TRAK2: variants seen among roughly 807,000 people sequenced by gnomAD.
TRAK2 encodes trafficking kinesin-binding protein 2.
Under a neutral mutation model 104.6 loss-of-function variants are expected in TRAK2, and 81 were observed. The ratio of observed to expected loss-of-function variants is 0.77; its 90% CI spans 0.65 to 0.93. The LOEUF (loss-of-function observed/expected upper bound fraction) is 0.93, where lower values mean the gene tolerates loss of function less well. TRAK2 is among the 40% of genes least tolerant of loss of function. The probability of loss-of-function intolerance (pLI) is 0.00; values close to 1 mark genes in which losing one functional copy is unlikely to be tolerated. For missense variants in TRAK2, 1,002 were observed against 1,089.0 expected, an observed-to-expected ratio of 0.92 and a Z score of 1.12; for synonymous variants, 406 against 394.4, an observed-to-expected ratio of 1.03 and a Z score of -0.35.
At chr2:201,408,880 T>A (rs575478357) in intron 2 of TRAK2, among the ~76,000 whole-genome samples, 57 of 152,348 alleles carry the variant, frequency 3.7e-4, no homozygotes, top group African/African-American at 7.2e-4. Flanking sequence ...TAAATTTTTT[T>A]AAAAATTGCA....
chr2:201,417,713 T>C (rs1951706487), intron 2 of TRAK2, among the ~76,000 whole-genome samples: 1 of 152,142 alleles, frequency 6.6e-6, no homozygotes, highest in South Asian at 2.1e-4. Flanking sequence ...ACTGAGATCA[T>C]GTCTCATTCA....
rs1196416901 is a variant in TRAK2 at position 201,407,497 on chromosome 2, A to C, written c.192T>G (p.Tyr64Ter). The C allele has an allele frequency of 6.2e-7, 1 of 1,614,048 alleles. No individual in the cohort carries two copies. Among genetic ancestry groups the C allele is most frequent in the East Asian group, 2.2e-5 (1 of 44,892 alleles). ...GAGACTGAGTCCAGTCTTGATTTTCATATAGAAAGAGAGTGTCTACTTTTA... is the reference window on the plus strand; with the variant it reads ...GAGACTGAGTCCAGTCTTGATTTTCCTATAGAAAGAGAGTGTCTACTTTTA... ...YRLKVDTLFLYENQDWTQSPH... is the reference protein window; with the variant it reads ...YRLKVDTLFL The change falls in exon 3 of 16, where the codon TAT (tyrosine) becomes TAG (stop). Residue 64 changes from tyrosine (Y) to a stop codon, truncating the protein, a stop_gained. Coordinates refer to ENST00000332624, the MANE Select transcript of TRAK2 (RefSeq NM_015049.3). LOFTEE classifies it high-confidence loss of function.
intron 2 of TRAK2, among the ~76,000 whole-genome samples, chr2:201,414,880 G>A (rs1437808312): frequency 2.3e-4 from 11 of 46,810 alleles, no homozygotes; most frequent in Non-Finnish European, 8.2e-4. Context: ...CATTACAAGA[G>A]ATACTAGTCC....
At position 201,379,920 on chromosome 2, in the gene TRAK2, G is replaced by A. The variant is rs1409722577; in HGVS notation, c.*623C>T. On this transcript the variant is annotated 3_prime_UTR_variant, in exon 16 of 16. Coordinates refer to ENST00000332624, the MANE Select transcript of TRAK2 (RefSeq NM_015049.3). The stretch of plus-strand genomic sequence containing the variant: ...GTATTTGGGCTCCCAGGGGCTCAAA[G>A]GCCTGAAAACAGAAAGGAAAATAGG... 2 of 151,804 alleles carry A rather than the reference G, an allele frequency of 1.3e-5. No individual in the cohort carries two copies. The highest frequency in any genetic ancestry group is 2.9e-5 in the Non-Finnish European group (2 of 68,006). 9.4% of individuals were successfully genotyped at this position (151,804 alleles called of 1,614,324 possible). A position where few individuals can be genotyped will look rare whatever the true frequency, so the allele number is the denominator to read the frequency against.
At chr2:201,418,907 C>T (rs1419239698) in intron 2 of TRAK2, among the ~76,000 whole-genome samples, 1 of 152,108 alleles carries the variant, frequency 6.6e-6, no homozygotes, top group East Asian at 1.9e-4. Context: ...CTTCAAAAGA[C>T]ACCAGTAAGA....
intron 1 of TRAK2, among the ~76,000 whole-genome samples, chr2:201,425,962 AT>A (rs1410514066): frequency 1.3e-5 from 2 of 152,144 alleles, no homozygotes; most frequent in Non-Finnish European, 2.9e-5. Context: ...TTGATTATAC[AT>A]TTACCATTTA....
chr2:201,388,139 T>G, intron 12 of TRAK2, 138 bp from the exon 13 acceptor site: 1 of 905,632 alleles, frequency 1.1e-6, no homozygotes, highest in Non-Finnish European at 1.8e-6. Flanking sequence ...AATATAGAAG[T>G]AATAACAACA....
rs1352282049 is a variant in TRAK2 at position 201,377,558 on chromosome 2, G to C, written c.*2985C>G. 6.6e-6 allele frequency: 1 copy of C among 152,536 alleles called. No individual in the cohort carries two copies. Among genetic ancestry groups the C allele is most frequent in the Non-Finnish European group, 1.5e-5 (1 of 68,014 alleles). The allele number at this position is 152,536 out of a possible 1,614,324, so 9.4% of individuals were successfully genotyped here. On this transcript the variant is annotated 3_prime_UTR_variant, in exon 16 of 16. Transcript: ENST00000332624. ...CTAAAATGGTCAGAAAAGATAACAA[G>C]CTTTGAGTACTGTGTAAAATTATAC...
intron 2 of TRAK2, among the ~76,000 whole-genome samples, chr2:201,417,234 G>A (rs1576524915): frequency 4.0e-5 from 1 of 25,122 alleles, no homozygotes; most frequent in African/African-American, 1.6e-4. Context: ...ATAAAGCGAA[G>A]ACATTGCAAA....
Position 201,386,337 on chromosome 2 carries a change from T to A in TRAK2, c.1844A>T (p.Glu615Val). The A allele has an allele frequency of 1.2e-6, 2 of 1,614,116 alleles. No homozygotes were observed. The highest frequency in any genetic ancestry group is 1.7e-6 in the Non-Finnish European group (2 of 1,180,008). Residue 615 changes from glutamate (E) to valine (V), a missense_variant, in exon 14 of 16, where the codon GAG becomes GTG. By Grantham distance (121) the Glu-to-Val change is moderately radical. Coordinates refer to ENST00000332624, the MANE Select transcript of TRAK2 (RefSeq NM_015049.3). The part of the protein sequence containing the change: ...YHISDLEEDE[E>V]EGITFQVQQP... ...CTGAACCTGAAAAGTAATACCCTCC[T>A]CTTCATCCTCTTCTAAATCTGAGAT...
At chr2:201,406,380 C>G (rs1052246248) in intron 3 of TRAK2, among the ~76,000 whole-genome samples, 7 of 152,112 alleles carry the variant, frequency 4.6e-5, no homozygotes, top group African/African-American at 1.7e-4. Context: ...CATTAAAACA[C>G]CACAACACTC....
intron 3 of TRAK2, among the ~76,000 whole-genome samples, chr2:201,404,136 G>C (rs1951572966): frequency 2.6e-5 from 4 of 152,190 alleles, no homozygotes; most frequent in Admixed American, 2.6e-4. Flanking sequence ...TTAAAGTCTT[G>C]GCATTTAGAC....
Position 201,392,993 on chromosome 2 carries a change from G to A in TRAK2, c.1029C>T (p.Ser343=). 6.2e-7 allele frequency: 1 copy of A among 1,613,634 alleles called. No individual in the cohort carries two copies. The change falls in exon 10 of 16, where the codon TCC becomes TCT. Residue 343 remains serine, a synonymous_variant. Transcript: ENST00000332624. ...NMECLGMLHE[S]QEEIKELRSR... ...TACGAAGTTCCTTTATTTCTTCTTG[G>A]GATTCATGTAACATTCCTAGACACT... is the stretch of plus-strand genomic sequence containing the variant.
chr2:201,407,521 T>C lies in TRAK2; in HGVS notation c.168A>G (p.Leu56=). The C allele has an allele frequency of 6.2e-7, 1 of 1,614,166 alleles. No individual in the cohort carries two copies. The highest frequency in any genetic ancestry group is 8.5e-7 in the Non-Finnish European group (1 of 1,180,010). Residue 56 remains leucine, a synonymous_variant, in exon 3 of 16, where the codon CTA becomes CTG. Coordinates refer to ENST00000332624, the MANE Select transcript of TRAK2 (RefSeq NM_015049.3). ...LLEEQLPQYR[L]KVDTLFLYEN... ...CATATAGAAAGAGAGTGTCTACTTT[T>C]AGCCTATACTGTGGTAGTTGTTCTT...
intron 1 of TRAK2, among the ~76,000 whole-genome samples, chr2:201,431,476 T>G (rs1951841831): frequency 6.6e-6 from 1 of 152,166 alleles, no homozygotes; most frequent in African/African-American, 2.4e-5. Flanking sequence ...TGGCTCAGGG[T>G]TTCTTCCACC....
At chr2:201,434,245 C>T (rs1385658621) in intron 1 of TRAK2, among the ~76,000 whole-genome samples, 1 of 152,206 alleles carries the variant, frequency 6.6e-6, no homozygotes, top group African/African-American at 2.4e-5. Flanking sequence ...GCGTGAGCCA[C>T]TGCGCCCGGC....
Position 201,398,183 on chromosome 2 carries a change from T to G in TRAK2, c.652A>C (p.Lys218Gln), listed in dbSNP as rs1951519138. Residue 218 changes from lysine to glutamine, a missense_variant, in exon 6 of 16, where the codon AAG (lysine) becomes CAG (glutamine). By Grantham distance (53) the Lys-to-Gln change is moderately conservative (BLOSUM62 1). Transcript: ENST00000332624. Reference protein sequence around the residue: ...LQLEMLQEKLKELEEENMALR... With the variant: ...LQLEMLQEKLQELEEENMALR... Reference sequence around the variant, plus strand: ...GCCATATTCTCTTCTTCCAGTTCCTTGAGCTTTTCTTGCAGCATTTCCAAC... The same window carrying G: ...GCCATATTCTCTTCTTCCAGTTCCTGGAGCTTTTCTTGCAGCATTTCCAAC... 6.2e-7 allele frequency: 1 copy of G among 1,613,748 alleles called. No individual in the cohort carries two copies.
intron 3 of TRAK2, among the ~76,000 whole-genome samples, chr2:201,407,015 C>T (rs11895218): frequency 0.063 from 9,616 of 152,014 alleles, 640 homozygotes; most frequent in East Asian, 0.26. Context: ...TGTTTACCAA[C>T]GATATTAATA....
At chr2:201,410,719 T>C in intron 2 of TRAK2, 2 of 1,454,888 alleles carry the variant, frequency 1.4e-6, no homozygotes, top group Non-Finnish European at 1.9e-6. Flanking sequence ...TGGAGAAACT[T>C]GAGGAGGTAC....
Sources: gnomAD v4.1 joint callset for allele counts (sites outside exome capture counted in the v4.1 genomes callset) on GRCh38, gnomAD v4.1.1 for gene constraint, MANE v1.5 for transcripts, NCBI Gene and HGNC (gene_info 2026-07-23, HGNC 2026-07-21) for gene names.